Variants in LSM4 observed in about 807,000 individuals in gnomAD.
LSM4 encodes LSM4 homolog, U6 small nuclear RNA and mRNA degradation associated, also known as U6 snRNA-associated Sm-like protein LSm4.
In LSM4, 15 loss-of-function variants were observed where a neutral mutation model predicts 22.3. The ratio of observed to expected loss-of-function variants is 0.67; its 90% CI spans 0.45 to 1.03. LSM4 has a LOEUF of 1.03. LSM4 is among the 50% of genes least tolerant of loss of function. The probability of loss-of-function intolerance (pLI) is 0.00; values close to 1 mark genes in which losing one functional copy is unlikely to be tolerated. For missense variants in LSM4, 127 were observed against 198.0 expected (o/e 0.64, Z 2.15); for synonymous variants, 90 against 79.8 (o/e 1.13, Z -0.68).
rs573811428 is a variant in LSM4 at position 18,309,311 on chromosome 19, C to T, written c.328+367G>A. On this transcript the variant is annotated intron_variant, in intron 4 of 4. Coordinates refer to ENST00000593829, the MANE Select transcript of LSM4 (RefSeq NM_012321.5). ...GGGCCTAACAAATGGAATTTTATGC[C>T]AATTCATCATCTCCGGTGGGGGCGG... The T allele has an allele frequency of 1.3e-3, 306 of 244,146 alleles. 2 individuals carry two copies. Among genetic ancestry groups the T allele is most frequent in the Middle Eastern group, 6.4e-3 (5 of 780 alleles). 15.1% of individuals were successfully genotyped at this position (244,146 alleles called of 1,614,324 possible). A position where few individuals can be genotyped will look rare whatever the true frequency, so the allele number is the denominator to read the frequency against.
At chr19:18,315,565 A>G (rs1970344665) in intron 2 of LSM4, among the ~76,000 whole-genome samples, 1 of 152,012 alleles carries the variant, frequency 6.6e-6, no homozygotes, top group Admixed American at 6.6e-5. Context: ...TTCTAGAGAC[A>G]AGGTTTCACT....
At position 18,307,542 on chromosome 19, in the gene LSM4, G is replaced by A; in HGVS notation, c.342C>T (p.Gly114=). 1 of 1,542,692 alleles carries A rather than the reference G, an allele frequency of 6.5e-7. No individual in the cohort carries two copies. The change falls in exon 5 of 5, where the codon GGC becomes GGT. Residue 114 remains glycine (G), a synonymous_variant. Coordinates refer to ENST00000593829, the MANE Select transcript of LSM4 (RefSeq NM_012321.5). ...MGGAGRGVFG[G]RGRGGIPGTG... ...TGCCCGGGATCCCACCTCGGCCCCG[G>A]CCACCAAACACACCTAGAGGACAGA...
At position 18,309,452 on chromosome 19, in the gene LSM4, T is replaced by C. The variant is rs915425003; in HGVS notation, c.328+226A>G. On this transcript the variant is annotated intron_variant, in intron 4 of 4. Coordinates refer to ENST00000593829, the MANE Select transcript of LSM4 (RefSeq NM_012321.5). ...GGAAACTGAGGCTTGGGGAGGTGAC[T>C]TGATGTGCCCTGAGGACCGCCAGGA... 3 of 550,676 alleles carry C rather than the reference T, an allele frequency of 5.4e-6. No homozygotes were observed. In the African/African-American group the frequency reaches 5.8e-5, roughly 11 times the overall value. The allele number at this position is 550,676 out of a possible 1,614,324, so 34.1% of individuals were successfully genotyped here.
chr19:18,313,237 T>C (rs1420095141), intron 2 of LSM4, among the ~76,000 whole-genome samples: 1 of 152,070 alleles, frequency 6.6e-6, no homozygotes, highest in African/African-American at 2.4e-5. Flanking sequence ...AGAGTGCCAC[T>C]TGGTCTTAAA....
intron 2 of LSM4, among the ~76,000 whole-genome samples, chr19:18,315,685 GCA>G (rs971691919): frequency 6.6e-5 from 10 of 151,848 alleles, no homozygotes; most frequent in African/African-American, 2.4e-4. Context: ...GTGACTATAG[GCA>G]CACACCACCT....
At chr19:18,319,421 G>A (rs1568300034) in intron 1 of LSM4, among the ~76,000 whole-genome samples, 1 of 151,764 alleles carries the variant, frequency 6.6e-6, no homozygotes, top group African/African-American at 2.4e-5. Flanking sequence ...AATTAGCCAA[G>A]CATGGTGGCG....
chr19:18,318,743 C>T (rs2148146107), intron 1 of LSM4, among the ~76,000 whole-genome samples: 1 of 152,346 alleles, frequency 6.6e-6, no homozygotes, highest in East Asian at 1.9e-4. Context: ...GCAGAAGTGA[C>T]CTGCCCAGGG....
intron 1 of LSM4, among the ~76,000 whole-genome samples, chr19:18,317,965 G>T (rs1970377892): frequency 6.6e-6 from 1 of 152,202 alleles, no homozygotes; most frequent in Non-Finnish European, 1.5e-5. Context: ...GCTGCCTCGG[G>T]TAACGCAGAG....
chr19:18,319,716 C>A (rs1232289590), intron 1 of LSM4, among the ~76,000 whole-genome samples: 2 of 152,236 alleles, frequency 1.3e-5, no homozygotes, highest in East Asian at 1.9e-4. Context: ...TCTGCTATTG[C>A]CTCTGCCTGG....
At chr19:18,312,496 C>T in intron 3 of LSM4, 108 bp downstream of exon 3, 1 of 906,748 alleles carries the variant, frequency 1.1e-6, no homozygotes, top group African/African-American at 1.6e-5. Flanking sequence ...GACGAGCAGT[C>T]CTAGGCGGCC....
chr19:18,322,977 T>C (rs1175415321), intron 1 of LSM4, 41 bp downstream of exon 1: 1 of 1,589,478 alleles, frequency 6.3e-7, no homozygotes, highest in South Asian at 1.1e-5. Flanking sequence ...CGACTGCTGT[T>C]CCCGCCTCCC....
chr19:18,316,991 G>A (rs562955639), intron 1 of LSM4, among the ~76,000 whole-genome samples: 9 of 152,116 alleles, frequency 5.9e-5, no homozygotes, highest in Non-Finnish European at 1.0e-4. Context: ...ACGGTGGTGC[G>A]CATCTGTAGT....
At chr19:18,321,875 C>T (rs759704170) in intron 1 of LSM4, among the ~76,000 whole-genome samples, 26 of 152,146 alleles carry the variant, frequency 1.7e-4, no homozygotes, top group Non-Finnish European at 3.7e-4. Context: ...CCTCAGGAAG[C>T]TCCAACCAAT....
chr19:18,314,255 G>A (rs183498413), intron 2 of LSM4, among the ~76,000 whole-genome samples: 27 of 152,080 alleles, frequency 1.8e-4, no homozygotes, highest in Middle Eastern at 3.4e-3. Flanking sequence ...TAGGCCGGGC[G>A]TGAGCCTGTA....
chr19:18,311,759 G>A (rs1970301353), intron 3 of LSM4, among the ~76,000 whole-genome samples: 1 of 152,214 alleles, frequency 6.6e-6, no homozygotes, highest in East Asian at 1.9e-4. Context: ...TCCCCACCCC[G>A]CCCAGCCCTG....
intron 2 of LSM4, 95 bp downstream of exon 2, chr19:18,315,929 G>A: frequency 8.9e-7 from 1 of 1,122,854 alleles, no homozygotes; most frequent in Non-Finnish European, 1.3e-6. Context: ...CATGCTGGTG[G>A]ACAGGCAGGC....
intron 2 of LSM4, among the ~76,000 whole-genome samples, chr19:18,313,004 A>G (rs533331421): frequency 4.6e-4 from 70 of 152,338 alleles, no homozygotes; most frequent in Non-Finnish European, 1.0e-4. Flanking sequence ...GCAGATCACG[A>G]GGTCAAAAGA....
At position 18,320,467 on chromosome 19, in the gene LSM4, C is replaced by T. The variant is rs555317279; in HGVS notation, c.3+2551G>A. 2.6e-5 allele frequency among the ~76,000 whole-genome samples: 4 copies of T among 151,986 alleles called. No individual in the cohort carries two copies. The East Asian group carries it at 7.8e-4, about 29-fold the overall frequency. On this transcript the variant is annotated intron_variant, in intron 1 of 4. Transcript: ENST00000593829. ...TGAGGCTGTAGTGATTGTGCCACTG[C>T]ACTCCAGCCTGGATGAGAGTGAGAT...
chr19:18,317,648 T>C (rs572943132), intron 1 of LSM4, among the ~76,000 whole-genome samples: 2 of 152,132 alleles, frequency 1.3e-5, no homozygotes, highest in South Asian at 4.2e-4. Flanking sequence ...CACCCGGCCC[T>C]GAACTGGGTT....
Sources: gnomAD v4.1 joint callset for allele counts (sites outside exome capture counted in the v4.1 genomes callset) on GRCh38, gnomAD v4.1.1 for gene constraint, MANE v1.5 for transcripts, NCBI Gene and HGNC (gene_info 2026-07-23, HGNC 2026-07-21) for gene names.